ARPP21: variants seen among roughly 807,000 people sequenced by gnomAD.
ARPP21 encodes the protein cAMP regulated phosphoprotein 21, also known as cAMP-regulated phosphoprotein 21.
A neutral mutation model predicts 113.2 loss-of-function variants in ARPP21; 69 were observed. That is an observed-to-expected ratio of 0.61 (90% confidence interval 0.50 to 0.74). The LOEUF (loss-of-function observed/expected upper bound fraction) is 0.74. Among genes scored for constraint, ARPP21 ranks in the 30% least tolerant of loss-of-function variants. The pLI is 0.00. For missense variants in ARPP21, 1,070 were observed against 1,037.4 expected (o/e 1.03, Z -0.43); for synonymous variants, 368 against 375.5 (o/e 0.98, Z 0.23).
At chr3:35,677,923 C>A (rs2149410562) in intron 1 of ARPP21, among the ~76,000 whole-genome samples, 1 of 152,036 alleles carries the variant, frequency 6.6e-6, no homozygotes, top group Non-Finnish European at 1.5e-5. Context: ...ATTTGTGATC[C>A]ATATGTTCCT....
chr3:35,679,744 T>G (rs1475826963), intron 1 of ARPP21, 43 bp from the exon 2 acceptor site: 2 of 152,174 alleles, frequency 1.3e-5, no homozygotes, highest in African/African-American at 4.8e-5. Context: ...CACCCTACCA[T>G]GATTATTGCA....
chr3:35,774,736 G>T (rs2096303873), intron 19 of ARPP21: 1 of 152,052 alleles, frequency 6.6e-6, no homozygotes, highest in Non-Finnish European at 1.5e-5. Context: ...GTAGAAAAGT[G>T]GTTCTAGAGA....
At chr3:35,688,346 T>C (rs1326800128) in intron 6 of ARPP21, among the ~76,000 whole-genome samples, 2 of 151,594 alleles carry the variant, frequency 1.3e-5, no homozygotes, top group Non-Finnish European at 3.0e-5. Flanking sequence ...ACGGAATACA[T>C]GATTCACATT....
At chr3:35,753,343 C>G (rs1382576452) in intron 19 of ARPP21, among the ~76,000 whole-genome samples, 1 of 151,828 alleles carries the variant, frequency 6.6e-6, no homozygotes, top group African/African-American at 2.4e-5. Context: ...AGTTCAAACA[C>G]CCAAGGAATA....
At position 35,749,642 on chromosome 3, in the gene ARPP21, C is replaced by T. The variant is rs575953192; in HGVS notation, c.2137+5677C>T. 3.3e-5 allele frequency among the ~76,000 whole-genome samples: 5 copies of T among 151,954 alleles called. No individual in the cohort carries two copies. In the East Asian group the frequency reaches 9.7e-4, roughly 29 times the overall value. On this transcript the variant is annotated intron_variant, in intron 19 of 20. Transcript: ENST00000684406. ...TCTTTAAATGTTTGTTAGAATTCTCCAATAAATCCATTTGACCCTAGAGAT... is the reference window on the plus strand; with the variant it reads ...TCTTTAAATGTTTGTTAGAATTCTCTAATAAATCCATTTGACCCTAGAGAT...
At position 35,729,516 on chromosome 3, in the gene ARPP21, T is replaced by C. The variant is rs1455380732; in HGVS notation, c.1439T>C (p.Ile480Thr). ...EAATGIPPGSILLNPHTGQPF... is the reference protein window; with the variant it reads ...EAATGIPPGSTLLNPHTGQPF... ...GCAACAGGCATCCCGCCTGGAAGCA[T>C]CCTTCTTAATCCACACACAGGTGAG... The change falls in exon 15 of 21, where the codon ATC becomes ACC. Residue 480 changes from isoleucine (I) to threonine (T), a missense_variant. Coordinates refer to ENST00000684406, the MANE Select transcript of ARPP21 (RefSeq NM_001385562.1). The C allele has an allele frequency of 6.2e-7, 1 of 1,614,046 alleles. No individual in the cohort carries two copies. Among genetic ancestry groups the C allele is most frequent in the Non-Finnish European group, 8.5e-7 (1 of 1,180,002 alleles).
At chr3:35,748,079 A>G (rs373432452) in intron 19 of ARPP21, among the ~76,000 whole-genome samples, 1,236 of 82,858 alleles carry the variant, frequency 0.015, 8 homozygotes, top group Admixed American at 0.026. Flanking sequence ...AGAAAGAAAG[A>G]AAGAAAGAAA....
chr3:35,745,395 G>A (rs553427640), intron 19 of ARPP21, among the ~76,000 whole-genome samples: 1 of 152,294 alleles, frequency 6.6e-6, no homozygotes, highest in East Asian at 1.9e-4. Context: ...TAGAGGCTAT[G>A]TGCAAGTTTT....
At chr3:35,792,863 AATTCCC>A (rs1352124714) in intron 20 of ARPP21, among the ~76,000 whole-genome samples, 1 of 152,200 alleles carries the variant, frequency 6.6e-6, no homozygotes, top group Non-Finnish European at 1.5e-5. Context: ...CCTCATGACA[AATTCCC>A]ATTCATTTTT....
intron 1 of ARPP21, among the ~76,000 whole-genome samples, chr3:35,668,374 A>G (rs1046949122): frequency 4.6e-5 from 7 of 152,056 alleles, no homozygotes; most frequent in African/African-American, 1.4e-4. Context: ...CAAATAGCCA[A>G]TGTAGTCCAC....
chr3:35,738,379 C>A, intron 17 of ARPP21, 61 bp downstream of exon 17: 1 of 1,399,130 alleles, frequency 7.1e-7, no homozygotes, highest in Non-Finnish European at 9.8e-7. Flanking sequence ...GATTTTACTA[C>A]TTTTTTGTGT....
At position 35,721,535 on chromosome 3, in the gene ARPP21, C is replaced by T. The variant is rs1171257661; in HGVS notation, c.996-70C>T. 2.0e-5 allele frequency: 18 copies of T among 882,448 alleles called. No homozygotes were observed. In the Admixed American group the frequency reaches 3.3e-4, roughly 16 times the overall value. The allele number at this position is 882,448 out of a possible 1,614,324, so 54.7% of individuals were successfully genotyped here. On this transcript the variant is annotated intron_variant, in intron 13 of 20. Coordinates refer to ENST00000684406, the MANE Select transcript of ARPP21 (RefSeq NM_001385562.1). ...ATCACCTTCCAAGAAAAGCCTTGCT[C>T]TGTGCCTACCAACACCATGCATGTA... is the stretch of plus-strand genomic sequence containing the variant.
chr3:35,640,738 T>C (rs1188930905), intron 1 of ARPP21, among the ~76,000 whole-genome samples: 2 of 152,196 alleles, frequency 1.3e-5, no homozygotes, highest in African/African-American at 4.8e-5. Flanking sequence ...AGGTAGAAAG[T>C]TATACTCTGT....
intron 13 of ARPP21, among the ~76,000 whole-genome samples, chr3:35,719,393 T>C (rs1362135841): frequency 6.6e-6 from 1 of 152,186 alleles, no homozygotes; most frequent in Non-Finnish European, 1.5e-5. Flanking sequence ...CTTAGGACAG[T>C]GATCTGAGCT....
At chr3:35,744,597 C>G in intron 19 of ARPP21, 1 of 493,750 alleles carries the variant, frequency 2.0e-6, no homozygotes, top group Admixed American at 2.2e-5. Flanking sequence ...AAGAGCAGCA[C>G]GAACCCGACA....
At chr3:35,692,891 T>G (rs2082656509) in intron 9 of ARPP21, among the ~76,000 whole-genome samples, 1 of 151,752 alleles carries the variant, frequency 6.6e-6, no homozygotes, top group African/African-American at 2.4e-5. Flanking sequence ...TGATATGATT[T>G]TAGAACTTTC....
intron 1 of ARPP21, among the ~76,000 whole-genome samples, chr3:35,677,570 C>T (rs1192799173): frequency 6.6e-6 from 1 of 151,838 alleles, no homozygotes; most frequent in African/African-American, 2.4e-5. Context: ...TGACAACCTT[C>T]TCTAAATGCT....
intron 9 of ARPP21, among the ~76,000 whole-genome samples, chr3:35,691,875 C>G (rs1158418294): frequency 6.6e-6 from 1 of 151,464 alleles, no homozygotes; most frequent in African/African-American, 2.4e-5. Context: ...AAATTGCATG[C>G]TCTTTAGAAA....
Position 35,794,142 on chromosome 3 carries a change from G to A in ARPP21, c.*184G>A. On this transcript the variant is annotated 3_prime_UTR_variant, in exon 21 of 21. Transcript: ENST00000684406. ...TAGCTGGTTAATGGTGCATATTTCT[G>A]TCATGTCTGCTAGGTATGCCTTTAT... 1.6e-6 allele frequency: 1 copy of A among 624,008 alleles called. No homozygotes were observed. The highest frequency in any genetic ancestry group is 2.0e-5 in the South Asian group (1 of 50,742). The allele number at this position is 624,008 out of a possible 1,614,324, so 38.7% of individuals were successfully genotyped here. A position where few individuals can be genotyped will look rare whatever the true frequency, so the allele number is the denominator to read the frequency against.
Sources: gnomAD v4.1 joint callset for allele counts (sites outside exome capture counted in the v4.1 genomes callset) on GRCh38, gnomAD v4.1.1 for gene constraint, MANE v1.5 for transcripts, NCBI Gene and HGNC (gene_info 2026-07-23, HGNC 2026-07-21) for gene names.